The following SORCS3 variants were observed in gnomAD, a reference collection of about 807,000 sequenced individuals.
The protein encoded by SORCS3 is sortilin related VPS10 domain containing receptor 3.
SORCS3 carries 57 observed loss-of-function variants against 146.3 expected under a neutral mutation model. The observed-to-expected ratio is 0.39, with a 90% CI of 0.31 to 0.49. The LOEUF is 0.49. Among genes scored for constraint, SORCS3 ranks in the 20% least tolerant of loss-of-function variants. The pLI, the probability that SORCS3 is intolerant of heterozygous loss-of-function variation, is 0.92. For synonymous variants in SORCS3, 653 were observed against 618.5 expected (o/e 1.06, Z -0.83); for missense variants, 1,341 against 1,575.5 (o/e 0.85, Z 2.52).
At chr10:105,100,578 TA>T (rs1451023286) in intron 6 of SORCS3, among the ~76,000 whole-genome samples, 4 of 152,234 alleles carry the variant, frequency 2.6e-5, no homozygotes, top group Admixed American at 6.5e-5. Flanking sequence ...ACTCAAGGGC[TA>T]CCTCCTCTTT....
At chr10:104,728,728 C>A (rs2016671293) in intron 1 of SORCS3, among the ~76,000 whole-genome samples, 1 of 152,140 alleles carries the variant, frequency 6.6e-6, no homozygotes. Context: ...CTGTATATAA[C>A]CCCTGGAAAA....
chr10:104,760,718 G>A (rs1014763635), intron 1 of SORCS3, among the ~76,000 whole-genome samples: 1 of 152,152 alleles, frequency 6.6e-6, no homozygotes, highest in Non-Finnish European at 1.5e-5. Flanking sequence ...GCAATATGAC[G>A]TGACGACAGA....
intron 20 of SORCS3, among the ~76,000 whole-genome samples, chr10:105,226,216 C>T (rs2056733188): frequency 6.6e-6 from 1 of 151,844 alleles, no homozygotes; most frequent in African/African-American, 2.4e-5. Context: ...GCCTTTACTA[C>T]ATTAAGGTAC....
intron 1 of SORCS3, among the ~76,000 whole-genome samples, chr10:104,717,246 C>G (rs751655521): frequency 4.7e-5 from 7 of 148,698 alleles, no homozygotes; most frequent in Non-Finnish European, 1.0e-4. Flanking sequence ...GGTTGTACCA[C>G]TGCACTCCAG....
intron 1 of SORCS3, among the ~76,000 whole-genome samples, chr10:104,795,598 G>GTACCA (rs2017545499): frequency 6.6e-6 from 1 of 152,258 alleles, no homozygotes; most frequent in Non-Finnish European, 1.5e-5. Flanking sequence ...GTACAACATG[G>GTACCA]TGTAGAATGA....
intron 3 of SORCS3, among the ~76,000 whole-genome samples, chr10:104,972,843 G>A (rs1048915708): frequency 1.3e-5 from 2 of 152,224 alleles, no homozygotes; most frequent in South Asian, 2.1e-4. Context: ...GTCATAGATA[G>A]CTCTTATTAT....
At chr10:105,125,752 C>A (rs2055969457) in intron 7 of SORCS3, among the ~76,000 whole-genome samples, 1 of 148,850 alleles carries the variant, frequency 6.7e-6, no homozygotes, top group South Asian at 2.2e-4. Context: ...TGAAGAAGAC[C>A]TTCGGCTTAG....
chr10:105,081,867 C>G (rs1206238471), intron 5 of SORCS3, among the ~76,000 whole-genome samples: 1 of 152,162 alleles, frequency 6.6e-6, no homozygotes, highest in Non-Finnish European at 1.5e-5. Context: ...ACAATACCCT[C>G]AGGAAGGCGA....
At chr10:104,723,895 A>G (rs1296494594) in intron 1 of SORCS3, among the ~76,000 whole-genome samples, 2 of 152,102 alleles carry the variant, frequency 1.3e-5, no homozygotes, top group Non-Finnish European at 2.9e-5. Flanking sequence ...GGTTTCCTGA[A>G]TACAGCACAC....
chr10:105,067,020 C>T (rs2055527218), intron 5 of SORCS3, among the ~76,000 whole-genome samples: 1 of 152,192 alleles, frequency 6.6e-6, no homozygotes, highest in South Asian at 2.1e-4. Context: ...CACTTTTAAT[C>T]TTGTCTCTTC....
chr10:105,210,210 G>C (rs533309185), intron 16 of SORCS3, among the ~76,000 whole-genome samples: 1 of 152,168 alleles, frequency 6.6e-6, no homozygotes, highest in Non-Finnish European at 1.5e-5. Context: ...GGAGTTGTGG[G>C]TTCTGAGAAA....
chr10:104,802,752 C>A (rs187623931), intron 1 of SORCS3, among the ~76,000 whole-genome samples: 7 of 152,256 alleles, frequency 4.6e-5, no homozygotes, highest in Admixed American at 3.9e-4. Flanking sequence ...GGTAGTGGGG[C>A]CTGGAGTCAT....
At chr10:105,212,635 A>C (rs1452263825) in intron 17 of SORCS3, among the ~76,000 whole-genome samples, 1 of 152,254 alleles carries the variant, frequency 6.6e-6, no homozygotes, top group South Asian at 2.1e-4. Context: ...AGGAATGGCA[A>C]TTAAAAAAAA....
chr10:105,014,000 C>G (rs980640355), intron 4 of SORCS3, among the ~76,000 whole-genome samples: 3 of 150,996 alleles, frequency 2.0e-5, no homozygotes, highest in East Asian at 3.9e-4. Context: ...CACACACACA[C>G]ACACACACAG....
intron 20 of SORCS3, among the ~76,000 whole-genome samples, chr10:105,226,937 T>G (rs752130111): frequency 6.6e-6 from 1 of 151,970 alleles, no homozygotes; most frequent in Non-Finnish European, 1.5e-5. Flanking sequence ...TTTATTTGAG[T>G]CTTTACTCTT....
chr10:105,021,387 C>A (rs990342051), intron 4 of SORCS3, among the ~76,000 whole-genome samples: 1 of 152,144 alleles, frequency 6.6e-6, no homozygotes, highest in Non-Finnish European at 1.5e-5. Flanking sequence ...TCCCATTAGG[C>A]CCCACCTCCC....
chr10:104,927,171 T>C (rs994886201), intron 3 of SORCS3, among the ~76,000 whole-genome samples: 2 of 152,194 alleles, frequency 1.3e-5, no homozygotes, highest in Admixed American at 1.3e-4. Context: ...TTATGAAAAC[T>C]TGAGAGTTAA....
At chr10:105,105,917 C>T (rs2055817300) in intron 7 of SORCS3, among the ~76,000 whole-genome samples, 1 of 152,144 alleles carries the variant, frequency 6.6e-6, no homozygotes, top group Admixed American at 6.6e-5. Flanking sequence ...TCTGGAAATA[C>T]CTACTACTCA....
intron 3 of SORCS3, among the ~76,000 whole-genome samples, chr10:104,936,254 A>G (rs7070513): frequency 0.28 from 42,028 of 152,058 alleles, 7,477 homozygotes; most frequent in African/African-American, 0.51. Flanking sequence ...AGAACTGTAT[A>G]TCTGAAATGG....
Sources: allele counts gnomAD v4.1 joint callset (sites outside exome capture counted in the v4.1 genomes callset), GRCh38; gene constraint gnomAD v4.1.1; transcripts MANE v1.5; gene names NCBI Gene and HGNC (gene_info 2026-07-23, HGNC 2026-07-21).